MRPL39: variants seen among roughly 807,000 people sequenced by gnomAD.
MRPL39 encodes large ribosomal subunit protein mL39.
A neutral mutation model predicts 44.5 loss-of-function variants in MRPL39; 35 were observed. The ratio of observed to expected loss-of-function variants is 0.79; its 90% CI spans 0.60 to 1.04. MRPL39 has a LOEUF of 1.04. MRPL39 is among the 50% of genes least tolerant of loss of function. MRPL39 has a pLI of 0.00. For missense variants in MRPL39, 433 were observed against 413.5 expected (o/e 1.05, Z -0.41); for synonymous variants, 139 against 136.1 (o/e 1.02, Z -0.15).
chr21:25,600,976 C>T (rs1175059730), intron 4 of MRPL39, among the ~76,000 whole-genome samples: 8 of 151,580 alleles, frequency 5.3e-5, no homozygotes, highest in African/African-American at 1.5e-4. Flanking sequence ...GGCGTGGTGG[C>T]GCGCGCCTGT....
At chr21:25,601,683 A>G (rs2031529948) in intron 3 of MRPL39, among the ~76,000 whole-genome samples, 1 of 152,198 alleles carries the variant, frequency 6.6e-6, no homozygotes, top group Admixed American at 6.5e-5. Context: ...GGTTCTTAGC[A>G]ATGTTTCTGT....
At chr21:25,597,506 C>A in intron 5 of MRPL39, 92 bp from the exon 6 acceptor site, 1 of 609,606 alleles carries the variant, frequency 1.6e-6, no homozygotes. Flanking sequence ...CTTAGTACTG[C>A]AAATCCAACT....
intron 3 of MRPL39, among the ~76,000 whole-genome samples, chr21:25,602,051 C>A (rs1448007918): frequency 6.6e-6 from 1 of 152,172 alleles, no homozygotes; most frequent in Non-Finnish European, 1.5e-5. Flanking sequence ...AAACCTGCAC[C>A]ATACCTGTCC....
intron 3 of MRPL39, 37 bp downstream of exon 3, chr21:25,603,759 C>T (rs2031585739): frequency 1.9e-6 from 3 of 1,567,580 alleles, no homozygotes; most frequent in African/African-American, 1.4e-5. Context: ...GGTGAAGATA[C>T]TGGGGAAATA....
chr21:25,604,893 T>C (rs2031618905), intron 2 of MRPL39, among the ~76,000 whole-genome samples: 1 of 152,192 alleles, frequency 6.6e-6, no homozygotes, highest in African/African-American at 2.4e-5. Context: ...GAACGTCTCA[T>C]TGCAGGGGTC....
intron 6 of MRPL39, 124 bp from the exon 7 acceptor site, chr21:25,594,082 C>T: frequency 4.0e-6 from 3 of 749,388 alleles, no homozygotes; most frequent in Non-Finnish European, 4.3e-6. Flanking sequence ...CTTGGAACCT[C>T]CCTTTAATCT....
At chr21:25,591,264 T>C (rs182524926) in intron 8 of MRPL39, among the ~76,000 whole-genome samples, 46 of 151,570 alleles carry the variant, frequency 3.0e-4, no homozygotes, top group Middle Eastern at 6.8e-3. Context: ...CCCAAAAACA[T>C]AATCTATAAA....
Position 25,606,536 on chromosome 21 carries a change from T to C in MRPL39, c.193A>G (p.Ile65Val). The C allele has an allele frequency of 6.2e-7, 1 of 1,614,100 alleles. No individual in the cohort carries two copies. The highest frequency in any genetic ancestry group is 1.1e-5 in the South Asian group (1 of 91,062). ...QLSLTPRTEK[I>V]EVKHVGKTDP... ...GTTTTCCCAACATGCTTAACTTCTA[T>C]CTTCTCAGTTCGGGGAGTTAATGAT... is the stretch of plus-strand genomic sequence containing the variant. Residue 65 changes from isoleucine to valine, a missense_variant, in exon 2 of 10, where the codon ATA becomes GTA. Coordinates refer to ENST00000352957, the MANE Select transcript of MRPL39 (RefSeq NM_017446.4).
At chr21:25,603,714 C>T (rs1601383462) in intron 3 of MRPL39, 82 bp downstream of exon 3, 13 of 1,391,608 alleles carry the variant, frequency 9.3e-6, no homozygotes, top group Non-Finnish European at 1.3e-5. Context: ...CATATTTTTA[C>T]ATTACACCCC....
chr21:25,597,441 G>C (rs777413867), intron 5 of MRPL39, 27 bp from the exon 6 acceptor site: 1 of 1,294,426 alleles, frequency 7.7e-7, no homozygotes, highest in Non-Finnish European at 1.1e-6. Flanking sequence ...ATAACCTTTA[G>C]TAACAATTCA....
chr21:25,593,742 A>G (rs1372575484), intron 7 of MRPL39, 151 bp downstream of exon 7: 2 of 520,670 alleles, frequency 3.8e-6, no homozygotes, highest in Non-Finnish European at 6.6e-6. Flanking sequence ...ATTTACCACC[A>G]TAACAAAACA....
intron 5 of MRPL39, 58 bp downstream of exon 5, chr21:25,599,741 C>A (rs1468251057): frequency 7.3e-7 from 1 of 1,368,600 alleles, no homozygotes; most frequent in South Asian, 1.2e-5. Flanking sequence ...ACATAGGAAT[C>A]ATTCTAACAA....
intron 6 of MRPL39, among the ~76,000 whole-genome samples, chr21:25,595,912 T>C (rs2031341236): frequency 6.6e-6 from 1 of 152,226 alleles, no homozygotes. Context: ...GAATCAATGC[T>C]ATAAATGGTG....
In MRPL39 at chr21:25,607,448, C is replaced by T. The variant is rs1483082950; in HGVS notation, c.28G>A (p.Ala10Thr). MEALAMGSR[A>T]LRLWLVAPGG... ...GGTGCGACCAGCCAGAGCCGCAGCGCCCGGGAACCCATGGCCAGCGCCTCC... is the reference window on the plus strand; with the variant it reads ...GGTGCGACCAGCCAGAGCCGCAGCGTCCGGGAACCCATGGCCAGCGCCTCC... Residue 10 changes from alanine to threonine, a missense_variant, in exon 1 of 10, where the codon GCG becomes ACG. By Grantham distance (58) the Ala-to-Thr change is moderately conservative. Coordinates refer to ENST00000352957, the MANE Select transcript of MRPL39 (RefSeq NM_017446.4). 6.8e-6 allele frequency: 11 copies of T among 1,613,100 alleles called. No individual in the cohort carries two copies. Among genetic ancestry groups the T allele is most frequent in the Non-Finnish European group, 9.3e-6 (11 of 1,179,960 alleles).
chr21:25,598,872 AAAC>A (rs1450967770), intron 5 of MRPL39, among the ~76,000 whole-genome samples: 2 of 151,334 alleles, frequency 1.3e-5, no homozygotes, highest in Non-Finnish European at 2.9e-5. Flanking sequence ...AAAAAAAAAA[AAAC>A]ACTACAAATT....
chr21:25,600,354 C>T (rs2031483826), intron 4 of MRPL39, among the ~76,000 whole-genome samples: 2 of 136,864 alleles, frequency 1.5e-5, no homozygotes, highest in African/African-American at 5.5e-5. Flanking sequence ...CAAGATCGCG[C>T]CACTGCACTC....
At chr21:25,589,927 CA>C (rs1281857877) in intron 8 of MRPL39, among the ~76,000 whole-genome samples, 1 of 152,150 alleles carries the variant, frequency 6.6e-6, no homozygotes, top group African/African-American at 2.4e-5. Flanking sequence ...GAGAAGCAGG[CA>C]GGGACCAGAT....
In MRPL39 at chr21:25,592,798, T is replaced by G. The variant is rs779477370; in HGVS notation, c.921+14A>C. ...ACCCAAATTGGAAGACCTAGAACTT[T>G]AAGCTTTACTTACTCTTAAGTGAAC... On this transcript the variant is annotated intron_variant, in intron 8 of 9. Transcript: ENST00000352957. 6.4e-7 allele frequency: 1 copy of G among 1,574,224 alleles called. No homozygotes were observed. The highest frequency in any genetic ancestry group is 8.7e-7 in the Non-Finnish European group (1 of 1,154,256).
At chr21:25,606,782 C>T in intron 1 of MRPL39, 127 bp from the exon 2 acceptor site, 1 of 689,106 alleles carries the variant, frequency 1.5e-6, no homozygotes, top group Non-Finnish European at 2.4e-6. Flanking sequence ...ACAGAGCTGG[C>T]CCAGATACGT....
Sources: gnomAD v4.1 joint callset for allele counts (sites outside exome capture counted in the v4.1 genomes callset) on GRCh38, gnomAD v4.1.1 for gene constraint, MANE v1.5 for transcripts, NCBI Gene and HGNC (gene_info 2026-07-23, HGNC 2026-07-21) for gene names.